Variants in MEF2A observed in about 807,000 individuals in gnomAD.
MEF2A encodes the protein myocyte enhancer factor 2A, also known as myocyte-specific enhancer factor 2A.
Under a neutral mutation model 55.8 loss-of-function variants are expected in MEF2A, and 28 were observed. The ratio of observed to expected loss-of-function variants is 0.50; its 90% CI spans 0.37 to 0.69. The LOEUF (loss-of-function observed/expected upper bound fraction) is 0.69, where lower values mean the gene tolerates loss of function less well. Ranked by LOEUF, MEF2A falls within the 30% of genes least tolerant of loss-of-function variation. The pLI is 0.00. For missense variants in MEF2A, 528 were observed against 626.2 expected (o/e 0.84, Z 1.67); for synonymous variants, 239 against 227.1 (o/e 1.05, Z -0.47).
chr15:99,614,805 A>G (rs2039919379), intron 2 of MEF2A, among the ~76,000 whole-genome samples: 1 of 152,166 alleles, frequency 6.6e-6, no homozygotes. Flanking sequence ...GGTAGTATGT[A>G]TGAAAGCCCT....
At chr15:99,565,535 G>A (rs1300232602), upstream of MEF2A, 2 of 151,146 alleles carry the variant, frequency 1.3e-5, no homozygotes, top group Admixed American at 1.3e-4. Context: ...CCGCCGGGCC[G>A]CCCCGCCCTG....
chr15:99,690,527 C>A, intron 8 of MEF2A, 99 bp downstream of exon 8: 1 of 963,538 alleles, frequency 1.0e-6, no homozygotes. Context: ...ACCGTAGAAT[C>A]TACACCTATT....
intron 4 of MEF2A, among the ~76,000 whole-genome samples, chr15:99,651,884 A>G (rs971466146): frequency 5.3e-5 from 8 of 152,214 alleles, no homozygotes; most frequent in African/African-American, 1.9e-4. Context: ...GGAGGAAAAG[A>G]TGATAGATAT....
chr15:99,656,201 T>G (rs950726786), intron 4 of MEF2A, among the ~76,000 whole-genome samples: 5 of 151,910 alleles, frequency 3.3e-5, no homozygotes, highest in African/African-American at 1.2e-4. Flanking sequence ...GTGTAGGAGG[T>G]GATTCTTTTT....
intron 8 of MEF2A, among the ~76,000 whole-genome samples, chr15:99,691,271 T>C (rs1225162648): frequency 6.6e-6 from 1 of 152,130 alleles, no homozygotes; most frequent in Non-Finnish European, 1.5e-5. Flanking sequence ...AGAGAGATTA[T>C]TATGTTTAAT....
Position 99,674,627 on chromosome 15 carries a change from C to G in MEF2A, c.610+15C>G. 1 of 1,583,140 alleles carries G rather than the reference C, an allele frequency of 6.3e-7. No homozygotes were observed. The highest frequency in any genetic ancestry group is 1.1e-5 in the South Asian group (1 of 88,774). The stretch of plus-strand genomic sequence containing the variant: ...TGGCAATGCAGGTATGTAGTGATAC[C>G]TATTATGCTGGTTCTTTAATAAAGA... On this transcript the variant is annotated intron_variant, in intron 6 of 11. Transcript: ENST00000557942.
intron 2 of MEF2A, among the ~76,000 whole-genome samples, chr15:99,599,554 A>G (rs766501489): frequency 1.3e-5 from 2 of 152,126 alleles, no homozygotes; most frequent in Admixed American, 6.6e-5. Flanking sequence ...ATATGGTTAT[A>G]TATTTTTCTT....
intron 4 of MEF2A, among the ~76,000 whole-genome samples, chr15:99,650,636 A>G (rs1202118716): frequency 1.3e-5 from 2 of 152,252 alleles, no homozygotes; most frequent in African/African-American, 2.4e-5. Flanking sequence ...CTATTTTCAA[A>G]TTACAAAAGA....
chr15:99,584,413 A>G (rs944089548), intron 1 of MEF2A, among the ~76,000 whole-genome samples: 1 of 152,212 alleles, frequency 6.6e-6, no homozygotes, highest in Non-Finnish European at 1.5e-5. Flanking sequence ...ATAATAGGTA[A>G]AAAGTTGAAA....
chr15:99,692,882 A>C (rs2055757804), intron 8 of MEF2A, among the ~76,000 whole-genome samples: 1 of 152,222 alleles, frequency 6.6e-6, no homozygotes, highest in African/African-American at 2.4e-5. Context: ...TGGAAAAGGC[A>C]AAATATCTCA....
At chr15:99,580,039 C>T (rs752366351) in intron 1 of MEF2A, among the ~76,000 whole-genome samples, 42 of 152,110 alleles carry the variant, frequency 2.8e-4, no homozygotes, top group Non-Finnish European at 1.0e-4. Context: ...GTGTTCTAAT[C>T]TCTCCAGACA....
chr15:99,704,878 T>C (rs1379134640), intron 9 of MEF2A, among the ~76,000 whole-genome samples: 1 of 152,244 alleles, frequency 6.6e-6, no homozygotes, highest in East Asian at 1.9e-4. Context: ...CTGGCATACA[T>C]TGATTTTCCA....
At chr15:99,605,019 C>A (rs4965529) in intron 2 of MEF2A, among the ~76,000 whole-genome samples, 31,119 of 152,116 alleles carry the variant, frequency 0.2, 3,506 homozygotes, top group African/African-American at 0.28. Context: ...GAGCTCTGCT[C>A]ACTGCAACCT....
At chr15:99,687,069 G>GTCCTATTAA (rs915670781) in intron 7 of MEF2A, among the ~76,000 whole-genome samples, 5 of 133,508 alleles carry the variant, frequency 3.7e-5, no homozygotes, top group East Asian at 4.3e-4. Flanking sequence ...ACACCACCAT[G>GTCCTATTAA]TCCTATTAAT....
intron 3 of MEF2A, among the ~76,000 whole-genome samples, chr15:99,640,365 T>G (rs2044657575): frequency 6.6e-6 from 1 of 152,218 alleles, no homozygotes; most frequent in Non-Finnish European, 1.5e-5. Flanking sequence ...AGAGGTGATG[T>G]ACCTTCTTGG....
intron 3 of MEF2A, among the ~76,000 whole-genome samples, chr15:99,644,972 A>T (rs553734828): frequency 6.6e-6 from 1 of 152,206 alleles, no homozygotes; most frequent in Non-Finnish European, 1.5e-5. Flanking sequence ...TTCAGTCAAT[A>T]TAAAGGGTGT....
chr15:99,565,951 G>C (rs1273409919), upstream of MEF2A: 1 of 152,278 alleles, frequency 6.6e-6, no homozygotes, highest in Non-Finnish European at 1.5e-5. Flanking sequence ...GTCTGGCCGA[G>C]GCTTGTCTCC....
chr15:99,617,224 T>C (rs972885006), intron 2 of MEF2A, among the ~76,000 whole-genome samples: 1 of 151,820 alleles, frequency 6.6e-6, no homozygotes, highest in African/African-American at 2.4e-5. Context: ...TTCAGAACTG[T>C]ATGAGAAGTT....
At chr15:99,582,341 T>C (rs916624868) in intron 1 of MEF2A, among the ~76,000 whole-genome samples, 4 of 152,134 alleles carry the variant, frequency 2.6e-5, no homozygotes, top group Admixed American at 6.5e-5. Context: ...GATTGTCCTT[T>C]CGTCATTCTT....
Sources: allele counts gnomAD v4.1 joint callset (sites outside exome capture counted in the v4.1 genomes callset), GRCh38; gene constraint gnomAD v4.1.1; transcripts MANE v1.5; gene names NCBI Gene and HGNC (gene_info 2026-07-23, HGNC 2026-07-21).